AGBL1: variants seen among roughly 807,000 people sequenced by gnomAD.
AGBL1 encodes the protein AGBL carboxypeptidase 1.
In AGBL1, 130 loss-of-function variants were observed where a neutral mutation model predicts 118.9. That is an observed-to-expected ratio of 1.09 (90% CI 0.95 to 1.26). The LOEUF is 1.26. Among genes scored for constraint, AGBL1 ranks in the 50% most tolerant of loss-of-function variants. AGBL1 has a pLI of 0.00. For missense variants in AGBL1, 1,584 were observed against 1,298.1 expected (o/e 1.22, Z -3.38); for synonymous variants, 555 against 478.9 (o/e 1.16, Z -2.08).
At chr15:86,897,088 G>A (rs2080139897) in intron 22 of AGBL1, among the ~76,000 whole-genome samples, 1 of 152,152 alleles carries the variant, frequency 6.6e-6, no homozygotes, top group Non-Finnish European at 1.5e-5. Flanking sequence ...GGCCTTTTCT[G>A]TCATTAGGGA....
chr15:86,715,993 G>A (rs547763843), intron 22 of AGBL1, among the ~76,000 whole-genome samples: 3 of 151,612 alleles, frequency 2.0e-5, no homozygotes, highest in East Asian at 3.9e-4. Context: ...TTGAACCCGG[G>A]AGGTGGAGCT....
chr15:86,258,421 C>G (rs550623774), intron 9 of AGBL1, among the ~76,000 whole-genome samples: 1 of 152,322 alleles, frequency 6.6e-6, no homozygotes, highest in Admixed American at 6.5e-5. Flanking sequence ...CCTTTCTGCA[C>G]AGGGGTGCTG....
intron 17 of AGBL1, among the ~76,000 whole-genome samples, chr15:86,376,010 T>C (rs910376103): frequency 6.6e-6 from 1 of 152,172 alleles, no homozygotes; most frequent in African/African-American, 2.4e-5. Flanking sequence ...TTAAATCAAG[T>C]TGGATCTGAG....
intron 22 of AGBL1, among the ~76,000 whole-genome samples, chr15:86,785,346 G>A (rs1182112714): frequency 6.7e-6 from 1 of 149,520 alleles, no homozygotes; most frequent in African/African-American, 2.4e-5. Flanking sequence ...AAGAGGCACA[G>A]AGATCTGCGG....
intron 18 of AGBL1, among the ~76,000 whole-genome samples, chr15:86,472,384 G>T (rs1330724785): frequency 6.6e-6 from 1 of 152,054 alleles, no homozygotes; most frequent in Non-Finnish European, 1.5e-5. Flanking sequence ...CATCTGATTG[G>T]CCAGTGAATT....
rs2079318243 is a variant in AGBL1, at chr15:86,279,737, T to A, written c.2174T>A (p.Val725Asp). Reference protein sequence around the residue: ...FAVTFPHSEDVCYLAYHYPYT... With the variant: ...FAVTFPHSEDDCYLAYHYPYT... ...GTCACCTTCCCACACAGTGAGGATG[T>A]CTGCTACCTGGCCTACCACTATCCC... Residue 725 changes from valine (V) to aspartate (D), a missense_variant, in exon 16 of 23, where the codon GTC becomes GAC. Coordinates refer to ENST00000614907, the MANE Select transcript of AGBL1 (RefSeq NM_001386094.1). 4 of 1,613,878 alleles carry A rather than the reference T, an allele frequency of 2.5e-6. No homozygotes were observed. The highest frequency in any genetic ancestry group is 2.7e-5 in the African/African-American group (2 of 75,026).
chr15:86,700,512 A>AC (rs760114526), intron 22 of AGBL1, among the ~76,000 whole-genome samples: 461 of 39,458 alleles, frequency 0.012, 2 homozygotes, highest in Admixed American at 0.027. Flanking sequence ...CACACACACA[A>AC]AATCTCTCTT....
intron 22 of AGBL1, among the ~76,000 whole-genome samples, chr15:86,895,535 TA>T (rs1341210438): frequency 6.6e-6 from 1 of 152,078 alleles, no homozygotes; most frequent in African/African-American, 2.4e-5. Flanking sequence ...GCAAAAGAAA[TA>T]AAGGGATTTT....
At chr15:86,893,786 T>G (rs1215225715) in intron 22 of AGBL1, among the ~76,000 whole-genome samples, 1 of 152,184 alleles carries the variant, frequency 6.6e-6, no homozygotes. Context: ...CGAGTGACTA[T>G]GTGTGAGGTT....
intron 18 of AGBL1, among the ~76,000 whole-genome samples, chr15:86,448,998 G>T (rs12439169): frequency 1.3e-5 from 2 of 152,068 alleles, no homozygotes; most frequent in Non-Finnish European, 2.9e-5. Context: ...AAGGGCAGTC[G>T]AGGCTACAGG....
chr15:86,829,785 T>A (rs1443915473), intron 22 of AGBL1, among the ~76,000 whole-genome samples: 2 of 152,044 alleles, frequency 1.3e-5, no homozygotes, highest in African/African-American at 4.8e-5. Flanking sequence ...TTAAAAATTA[T>A]AATATTTATT....
At chr15:86,738,864 C>G (rs1158853300) in intron 22 of AGBL1, among the ~76,000 whole-genome samples, 2 of 152,068 alleles carry the variant, frequency 1.3e-5, no homozygotes, top group African/African-American at 4.8e-5. Context: ...CCCAGCCAGG[C>G]TTGGTGGCTC....
chr15:86,362,790 C>G (rs1275898193), intron 17 of AGBL1, among the ~76,000 whole-genome samples: 1 of 152,146 alleles, frequency 6.6e-6, no homozygotes, highest in Admixed American at 6.5e-5. Flanking sequence ...CAGTAGGGAC[C>G]AAAGTCAGGT....
rs1039967077 is a variant in AGBL1 at position 86,910,706 on chromosome 15, G to C, written c.*3412G>C. 4 of 152,228 alleles carry C rather than the reference G, an allele frequency of 2.6e-5. No individual in the cohort carries two copies. The highest frequency in any genetic ancestry group is 9.6e-5 in the African/African-American group (4 of 41,454). 9.4% of individuals were successfully genotyped at this position (152,228 alleles called of 1,614,324 possible). On this transcript the variant is annotated 3_prime_UTR_variant, in exon 23 of 23. Transcript: ENST00000614907. ...CGTTCGAAAGGTTTCCTAGAAATCA[G>C]AGGTACCTCAGGAAGCAGAAGGAGA... is the stretch of plus-strand genomic sequence containing the variant.
At chr15:86,720,185 T>C (rs546492487) in intron 22 of AGBL1, among the ~76,000 whole-genome samples, 5 of 152,216 alleles carry the variant, frequency 3.3e-5, no homozygotes, top group Non-Finnish European at 5.9e-5. Flanking sequence ...TTCGCTTGGA[T>C]AACTCAGACT....
intron 17 of AGBL1, among the ~76,000 whole-genome samples, chr15:86,347,914 G>A (rs973898328): frequency 6.6e-6 from 1 of 152,176 alleles, no homozygotes; most frequent in Non-Finnish European, 1.5e-5. Flanking sequence ...TTTTCCTCAA[G>A]ACTTCATAAT....
chr15:86,093,774 A>T (rs1168670248), intron 1 of AGBL1, among the ~76,000 whole-genome samples: 1 of 152,192 alleles, frequency 6.6e-6, no homozygotes, highest in African/African-American at 2.4e-5. Flanking sequence ...GGCAAGATAC[A>T]CAGAGTGAGA....
rs1002107526 is a variant in AGBL1, at chr15:86,832,089, G to T, written c.3159-74998G>T. ...TGTCGGCCCCTTTTAACCATGGCTGGGATGCAGAGCACTAAGTCCGAGACT... is the reference window on the plus strand; with the variant it reads ...TGTCGGCCCCTTTTAACCATGGCTGTGATGCAGAGCACTAAGTCCGAGACT... On this transcript the variant is annotated intron_variant, in intron 22 of 22. Coordinates refer to ENST00000614907, the MANE Select transcript of AGBL1 (RefSeq NM_001386094.1). Among the ~76,000 whole-genome samples the T allele has an allele frequency of 3.3e-5, 5 of 152,302 alleles. No individual in the cohort carries two copies. In the East Asian group the frequency reaches 7.7e-4, roughly 24 times the overall value.
chr15:86,178,843 A>G (rs984757785), intron 5 of AGBL1, among the ~76,000 whole-genome samples: 9 of 152,228 alleles, frequency 5.9e-5, no homozygotes, highest in African/African-American at 1.7e-4. Context: ...AATTTTATTC[A>G]GCCATAGAAA....
Sources: allele counts gnomAD v4.1 joint callset (sites outside exome capture counted in the v4.1 genomes callset), GRCh38; gene constraint gnomAD v4.1.1; transcripts MANE v1.5; gene names NCBI Gene and HGNC (gene_info 2026-07-23, HGNC 2026-07-21).